AK5: variants seen among roughly 807,000 people sequenced by gnomAD.
AK5 encodes the protein adenylate kinase 5.
A neutral mutation model predicts 69.5 loss-of-function variants in AK5; 27 were observed. That is an observed-to-expected ratio of 0.39 (90% CI 0.29 to 0.54). The LOEUF is 0.54. AK5 is among the 20% of genes least tolerant of loss of function. The pLI, the probability that AK5 is intolerant of heterozygous loss-of-function variation, is 0.71. For synonymous variants in AK5, 260 were observed against 244.4 expected (o/e 1.06, Z -0.60); for missense variants, 531 against 700.4 (o/e 0.76, Z 2.73).
At chr1:77,551,037 C>T (rs918205437) in intron 13 of AK5, among the ~76,000 whole-genome samples, 1 of 152,144 alleles carries the variant, frequency 6.6e-6, no homozygotes, top group Non-Finnish European at 1.5e-5. Flanking sequence ...ATTAGCTGGA[C>T]GTGGTGGCAC....
intron 8 of AK5, among the ~76,000 whole-genome samples, chr1:77,442,176 C>T (rs1462669656): frequency 6.6e-6 from 1 of 152,140 alleles, no homozygotes; most frequent in Non-Finnish European, 1.5e-5. Context: ...GCTCAAAACT[C>T]AGCTTAGGGA....
intron 8 of AK5, among the ~76,000 whole-genome samples, chr1:77,472,970 C>A (rs765053867): frequency 6.7e-6 from 1 of 149,224 alleles, no homozygotes; most frequent in Non-Finnish European, 1.5e-5. Flanking sequence ...CTTGTGATTG[C>A]GTTGAGCCCG....
At chr1:77,481,425 T>C (rs900665462) in intron 8 of AK5, among the ~76,000 whole-genome samples, 1 of 152,236 alleles carries the variant, frequency 6.6e-6, no homozygotes, top group Non-Finnish European at 1.5e-5. Context: ...AATTCATTAA[T>C]GTAAATGTGT....
intron 8 of AK5, among the ~76,000 whole-genome samples, chr1:77,441,879 T>G (rs1652350529): frequency 6.6e-6 from 1 of 152,092 alleles, no homozygotes; most frequent in Admixed American, 6.6e-5. Context: ...TTGCTCTCTG[T>G]GGCAGCGTTG....
At chr1:77,532,210 C>A (rs1181830733) in intron 12 of AK5, 1 of 155,322 alleles carries the variant, frequency 6.4e-6, no homozygotes, top group Non-Finnish European at 1.4e-5. Context: ...TCAAGCGCGG[C>A]CAGAGTGGGC....
At chr1:77,364,584 AC>A (rs1557529732) in intron 6 of AK5, among the ~76,000 whole-genome samples, 1 of 152,078 alleles carries the variant, frequency 6.6e-6, no homozygotes, top group Non-Finnish European at 1.5e-5. Context: ...TGTGAGATCA[AC>A]TTTTTCAGCT....
chr1:77,340,380 T>G lies in AK5; in HGVS notation c.703T>G (p.Cys235Gly). ...AQALSFEDQI[C>G]TPDLVVFLAC... is the part of the protein sequence containing the mutation. ...TATTTGTTGATGCTCTCCACAGATCTGTACCCCCGATTTGGTGGTATTCCT... is the reference window on the plus strand; with the variant it reads ...TATTTGTTGATGCTCTCCACAGATCGGTACCCCCGATTTGGTGGTATTCCT... The change falls in exon 6 of 14, where the codon TGT becomes GGT. Residue 235 changes from cysteine (C) to glycine (G), a missense_variant. Coordinates refer to ENST00000354567, the MANE Select transcript of AK5 (RefSeq NM_174858.3). 1 of 1,613,676 alleles carries G rather than the reference T, an allele frequency of 6.2e-7. No individual in the cohort carries two copies. The highest frequency in any genetic ancestry group is 8.5e-7 in the Non-Finnish European group (1 of 1,179,634).
chr1:77,418,007 C>G (rs1214231056), intron 8 of AK5, among the ~76,000 whole-genome samples: 1 of 152,196 alleles, frequency 6.6e-6, no homozygotes, highest in Non-Finnish European at 1.5e-5. Flanking sequence ...GCCTGTGTCT[C>G]TATCCCTTCC....
chr1:77,479,196 CTTTTTTTTT>C (rs67079216), intron 8 of AK5, among the ~76,000 whole-genome samples: 3 of 71,918 alleles, frequency 4.2e-5, no homozygotes, highest in East Asian at 8.2e-4. Context: ...CTGAAATTGT[CTTTTTTTTT>C]TTTTTTTTTT....
chr1:77,397,114 C>T (rs1202748726), intron 6 of AK5, among the ~76,000 whole-genome samples: 2 of 152,308 alleles, frequency 1.3e-5, no homozygotes, highest in African/African-American at 4.8e-5. Flanking sequence ...TCAGAATAAT[C>T]CCAAGATTTT....
At chr1:77,485,072 C>G (rs1184338035) in intron 9 of AK5, among the ~76,000 whole-genome samples, 2 of 152,188 alleles carry the variant, frequency 1.3e-5, no homozygotes, top group Non-Finnish European at 2.9e-5. Flanking sequence ...GGCTAGAGAA[C>G]CTGAGATGAC....
rs1249078591 is a variant in AK5 at position 77,444,234 on chromosome 1, AG to A, written c.1059+26520del. 3.1e-3 allele frequency among the ~76,000 whole-genome samples: 281 copies of A among 89,260 alleles called. 4 individuals carry two copies. The highest frequency in any genetic ancestry group is 7.5e-3 in the South Asian group (16 of 2,124). The allele number at this position is 89,260 out of a possible 152,430, so 58.6% of individuals were successfully genotyped here. A position where few individuals can be genotyped will look rare whatever the true frequency, so the allele number is the denominator to read the frequency against. ...ATATACCACTTATGTATATATATAT[AG>A]TATATATATACACAACATATGTGTA... is the stretch of plus-strand genomic sequence containing the variant. On this transcript the variant is annotated intron_variant, in intron 8 of 13. Coordinates refer to ENST00000354567, the MANE Select transcript of AK5 (RefSeq NM_174858.3).
chr1:77,454,269 C>T (rs1249274262), intron 8 of AK5, among the ~76,000 whole-genome samples: 1 of 152,182 alleles, frequency 6.6e-6, no homozygotes, highest in Non-Finnish European at 1.5e-5. Flanking sequence ...TTCTCACTCT[C>T]CTGGCTGGGA....
At chr1:77,493,014 C>T (rs999419592) in intron 10 of AK5, among the ~76,000 whole-genome samples, 1 of 152,178 alleles carries the variant, frequency 6.6e-6, no homozygotes, top group East Asian at 1.9e-4. Flanking sequence ...TGTTTCCACT[C>T]TGAAGTGAAA....
intron 5 of AK5, among the ~76,000 whole-genome samples, chr1:77,302,716 TC>T (rs1397151579): frequency 5.3e-5 from 8 of 152,244 alleles, no homozygotes; most frequent in East Asian, 3.8e-4. Context: ...GTGGATACTT[TC>T]TTTTTTCTTA....
intron 6 of AK5, among the ~76,000 whole-genome samples, chr1:77,365,000 C>T (rs1349497251): frequency 6.6e-6 from 1 of 152,156 alleles, no homozygotes; most frequent in East Asian, 1.9e-4. Flanking sequence ...AGTGTATGGC[C>T]TACCCCTGTT....
At chr1:77,335,418 C>T (rs1661297544) in intron 5 of AK5, among the ~76,000 whole-genome samples, 2 of 148,120 alleles carry the variant, frequency 1.4e-5, no homozygotes, top group Admixed American at 1.3e-4. Context: ...TTTATTCACT[C>T]ATTCAATCAG....
intron 6 of AK5, among the ~76,000 whole-genome samples, chr1:77,373,737 AAAAAAAAC>A (rs1008061131): frequency 6.6e-6 from 1 of 152,078 alleles, no homozygotes; most frequent in Non-Finnish European, 1.5e-5. Flanking sequence ...AAAAAGAAAA[AAAAAAAAC>A]AAAAAACATA....
At chr1:77,385,824 G>A (rs1215028709) in intron 6 of AK5, among the ~76,000 whole-genome samples, 1 of 152,156 alleles carries the variant, frequency 6.6e-6, no homozygotes, top group African/African-American at 2.4e-5. Context: ...TGGCATAATA[G>A]TATTTAGAGA....
Sources: allele counts gnomAD v4.1 joint callset (sites outside exome capture counted in the v4.1 genomes callset), GRCh38; gene constraint gnomAD v4.1.1; transcripts MANE v1.5; gene names NCBI Gene and HGNC (gene_info 2026-07-23, HGNC 2026-07-21).